The following DDX60 variants were observed in gnomAD, a reference collection of about 807,000 sequenced individuals.
DDX60 encodes probable ATP-dependent RNA helicase DDX60.
A neutral mutation model predicts 212.8 loss-of-function variants in DDX60; 165 were observed. The ratio of observed to expected loss-of-function variants is 0.78; its 90% CI spans 0.68 to 0.88. The LOEUF (loss-of-function observed/expected upper bound fraction) is 0.88, where lower values mean the gene tolerates loss of function less well. DDX60 is among the 40% of genes least tolerant of loss of function. The probability of loss-of-function intolerance (pLI) is 0.00; values close to 1 mark genes in which losing one functional copy is unlikely to be tolerated. For synonymous variants in DDX60, 703 were observed against 685.3 expected (o/e 1.03, Z -0.40); for missense variants, 1,905 against 2,003.9 (o/e 0.95, Z 0.94).
intron 34 of DDX60, 115 bp downstream of exon 34, chr4:168,225,414 C>G (rs1328335170): frequency 1.8e-6 from 2 of 1,121,208 alleles, no homozygotes; most frequent in Admixed American, 5.8e-5. Context: ...GGAATCTCCT[C>G]ACTTGAGGGC....
In DDX60 at chr4:168,268,894, C is replaced by A. The variant is rs1176967929; in HGVS notation, c.2746G>T (p.Ala916Ser). The A allele has an allele frequency of 3.1e-6, 5 of 1,593,534 alleles. No homozygotes were observed. Among genetic ancestry groups the A allele is most frequent in the Non-Finnish European group, 4.3e-6 (5 of 1,167,704 alleles). Residue 916 changes from alanine (A) to serine (S), a missense_variant, in exon 20 of 38, where the codon GCT becomes TCT. Transcript: ENST00000393743. ...LLVMIRCPFL[A>S]LSATISNPEH... Reference sequence around the variant, plus strand: ...GGATTACTTATGGTAGCTGAAAGAGCCAAAAAGGGACATCGGATCATGACA... The same window carrying A: ...GGATTACTTATGGTAGCTGAAAGAGACAAAAAGGGACATCGGATCATGACA...
chr4:168,309,977 G>A (rs1737058302), intron 3 of DDX60, among the ~76,000 whole-genome samples: 2 of 152,106 alleles, frequency 1.3e-5, no homozygotes, highest in Admixed American at 6.6e-5. Flanking sequence ...CCTGAGACTC[G>A]AAGGGAAAAG....
intron 12 of DDX60, 64 bp from the exon 13 acceptor site, chr4:168,283,670 C>A: frequency 8.2e-7 from 1 of 1,222,632 alleles, no homozygotes; most frequent in South Asian, 1.5e-5. Context: ...CTCATCAATT[C>A]TTCATATTAT....
intron 30 of DDX60, among the ~76,000 whole-genome samples, chr4:168,244,819 A>T (rs1733968195): frequency 6.6e-6 from 1 of 152,184 alleles, no homozygotes; most frequent in Non-Finnish European, 1.5e-5. Context: ...CATTATGAAG[A>T]GCCATAACTG....
At chr4:168,286,395 C>T (rs981757202) in intron 10 of DDX60, among the ~76,000 whole-genome samples, 93 of 124,936 alleles carry the variant, frequency 7.4e-4, no homozygotes, top group Non-Finnish European at 1.2e-3. Flanking sequence ...TTTATACACA[C>T]ACACACACAC....
chr4:168,225,448 C>T, intron 34 of DDX60, 81 bp downstream of exon 34: 2 of 1,388,742 alleles, frequency 1.4e-6, no homozygotes, highest in East Asian at 2.4e-5. Context: ...TGGGGTTCCA[C>T]TCTTCTTCCA....
chr4:168,236,198 A>C, intron 33 of DDX60, 54 bp downstream of exon 33: 7 of 1,531,370 alleles, frequency 4.6e-6, no homozygotes, highest in South Asian at 1.2e-5. Flanking sequence ...ATTTTAGGTA[A>C]GATCTATTTA....
Position 168,273,309 on chromosome 4 carries a change from C to T in DDX60, c.2544G>A (p.Arg848=). ...SGEVLCGVFT[R]EYRHDALNCQ... ...AGTTTAAGGCATCATGACGATACTC[C>T]CTGGTGAAAACACCACAGAGAACTT... The change falls in exon 18 of 38, where the codon AGG becomes AGA. Residue 848 remains arginine (R), a synonymous_variant. Coordinates refer to ENST00000393743, the MANE Select transcript of DDX60 (RefSeq NM_017631.6). The T allele has an allele frequency of 1.9e-6, 3 of 1,613,700 alleles. No homozygotes were observed. Among genetic ancestry groups the T allele is most frequent in the Non-Finnish European group, 2.5e-6 (3 of 1,179,792 alleles).
At chr4:168,318,509 CG>C (rs1737507217) in intron 1 of DDX60, 112 bp downstream of exon 1, 1 of 152,384 alleles carries the variant, frequency 6.6e-6, no homozygotes. Context: ...TCCCGCGCCC[CG>C]AGCCCAGCAC....
At chr4:168,217,685 A>G (rs906148575) in intron 37 of DDX60, among the ~76,000 whole-genome samples, 1 of 152,164 alleles carries the variant, frequency 6.6e-6, no homozygotes, top group African/African-American at 2.4e-5. Flanking sequence ...AGGTCCCTGT[A>G]AGTGGAAGAG....
intron 30 of DDX60, among the ~76,000 whole-genome samples, chr4:168,243,485 C>T (rs1029432197): frequency 2.6e-5 from 4 of 152,126 alleles, no homozygotes; most frequent in African/African-American, 7.2e-5. Context: ...GACATACATG[C>T]AGCCAACATA....
In DDX60 at chr4:168,267,945, T is replaced by C; in HGVS notation, c.2825A>G (p.Asp942Gly). The C allele has an allele frequency of 1.2e-6, 2 of 1,613,102 alleles. No individual in the cohort carries two copies. The highest frequency in any genetic ancestry group is 8.5e-7 in the Non-Finnish European group (1 of 1,179,390). The change falls in exon 21 of 38, where the codon GAC becomes GGC. Residue 942 changes from aspartate to glycine, a missense_variant. By Grantham distance (94) the Asp-to-Gly change is moderately conservative. Coordinates refer to ENST00000393743, the MANE Select transcript of DDX60 (RefSeq NM_017631.6). ...QSVKWYWKQE[D>G]KIIENNTASK... is the part of the protein sequence containing the mutation. ...AGCGGTATTATTTTCAATTATTTTG[T>C]CTTCTTGTTTCCAGTACCATTTTAC...
intron 7 of DDX60, among the ~76,000 whole-genome samples, chr4:168,292,374 T>G (rs1579061180): frequency 6.6e-6 from 1 of 152,286 alleles, no homozygotes; most frequent in East Asian, 1.9e-4. Flanking sequence ...TCTACATTTT[T>G]TAAGACTTTC....
intron 6 of DDX60, among the ~76,000 whole-genome samples, chr4:168,294,747 C>A (rs923560686): frequency 5.3e-5 from 8 of 152,110 alleles, no homozygotes; most frequent in Admixed American, 3.3e-4. Flanking sequence ...AATGATCCAC[C>A]CACCTAGGCC....
At chr4:168,254,670 C>G (rs1030289698) in intron 26 of DDX60, among the ~76,000 whole-genome samples, 6 of 152,090 alleles carry the variant, frequency 3.9e-5, no homozygotes, top group South Asian at 2.1e-4. Context: ...AATAATTGAT[C>G]TACTAGCTAT....
chr4:168,262,462 A>C (rs142947004), intron 23 of DDX60, among the ~76,000 whole-genome samples: 1,774 of 132,794 alleles, frequency 0.013, 35 homozygotes, highest in African/African-American at 0.048. Context: ...AAAGATTTCA[A>C]AAAAAAAAAA....
chr4:168,290,322 T>C (rs1199872170), intron 8 of DDX60, among the ~76,000 whole-genome samples: 1 of 146,676 alleles, frequency 6.8e-6, no homozygotes, highest in Non-Finnish European at 1.5e-5. Flanking sequence ...TGTTTTCTTT[T>C]CTTTTCTTTT....
chr4:168,225,181 T>C (rs983960444), intron 34 of DDX60, among the ~76,000 whole-genome samples: 4 of 152,040 alleles, frequency 2.6e-5, no homozygotes, highest in African/African-American at 9.7e-5. Context: ...CCAGAAAATA[T>C]GCTCAGAATC....
chr4:168,281,281 C>T (rs1403665618), intron 13 of DDX60, among the ~76,000 whole-genome samples: 2 of 152,184 alleles, frequency 1.3e-5, no homozygotes, highest in African/African-American at 4.8e-5. Flanking sequence ...ACATCACCTC[C>T]CTGTTCTCTA....
Sources: allele counts gnomAD v4.1 joint callset (sites outside exome capture counted in the v4.1 genomes callset), GRCh38; gene constraint gnomAD v4.1.1; transcripts MANE v1.5; gene names NCBI Gene and HGNC (gene_info 2026-07-23, HGNC 2026-07-21).